SMARCA2: variants seen among roughly 807,000 people sequenced by gnomAD.
SMARCA2 encodes SWI/SNF-related matrix-associated actin-dependent regulator of chromatin subfamily A member 2.
A neutral mutation model predicts 199.8 loss-of-function variants in SMARCA2; 61 were observed. That is an observed-to-expected ratio of 0.31 (90% CI 0.25 to 0.38). SMARCA2 has a LOEUF of 0.38. Among genes scored for constraint, SMARCA2 ranks in the 10% least tolerant of loss-of-function variants. The pLI is 1.00. For missense variants in SMARCA2, 1,344 were observed against 2,012.2 expected (o/e 0.67, Z 6.35); for synonymous variants, 935 against 732.0 (o/e 1.28, Z -4.48).
intron 21 of SMARCA2, among the ~76,000 whole-genome samples, chr9:2,098,033 G>A (rs551452353): frequency 6.6e-6 from 1 of 152,180 alleles, no homozygotes; most frequent in East Asian, 1.9e-4. Flanking sequence ...ATTTTGCAGG[G>A]AGAGGACATT....
At chr9:2,191,513 C>G in intron 33 of SMARCA2, 105 bp downstream of exon 33, 2 of 1,226,022 alleles carry the variant, frequency 1.6e-6, no homozygotes, top group African/African-American at 1.5e-5. Flanking sequence ...TTACCCAGGA[C>G]TGGAAATGTC....
chr9:2,143,336 G>C (rs1002184102), intron 27 of SMARCA2, among the ~76,000 whole-genome samples: 1 of 152,222 alleles, frequency 6.6e-6, no homozygotes, highest in Non-Finnish European at 1.5e-5. Context: ...AGACCCTGGA[G>C]GCTATGCATG....
intron 27 of SMARCA2, among the ~76,000 whole-genome samples, chr9:2,152,435 C>G (rs1015619303): frequency 7.2e-5 from 11 of 152,146 alleles, no homozygotes; most frequent in Non-Finnish European, 5.9e-5. Flanking sequence ...TGGCTCATGC[C>G]TGTAATCCCA....
intron 27 of SMARCA2, among the ~76,000 whole-genome samples, chr9:2,139,178 A>T (rs1043310876): frequency 6.6e-6 from 1 of 152,214 alleles, no homozygotes; most frequent in African/African-American, 2.4e-5. Context: ...GGCTGCACAA[A>T]GCCAGGCCAC....
chr9:2,104,816 C>T lies in SMARCA2; in HGVS notation c.3292+647C>T, dbSNP rs1160452109. 2.0e-5 allele frequency among the ~76,000 whole-genome samples: 3 copies of T among 152,132 alleles called. No individual in the cohort carries two copies. The highest frequency in any genetic ancestry group is 6.6e-5 in the Admixed American group (1 of 15,266). ...TAGGGATAATCCCTAAATTATTTTACGATTTGGATATCAGCCATAATATAT... is the reference window on the plus strand; with the variant it reads ...TAGGGATAATCCCTAAATTATTTTATGATTTGGATATCAGCCATAATATAT... On this transcript the variant is annotated intron_variant, in intron 23 of 33. Transcript: ENST00000349721. This position sits in a 1 kb window ranked among gnomAD's most constrained non-coding sequence, Gnocchi z 4.0.
intron 9 of SMARCA2, among the ~76,000 whole-genome samples, chr9:2,061,190 G>C (rs994262003): frequency 1.5e-4 from 23 of 152,142 alleles, no homozygotes; most frequent in African/African-American, 5.1e-4. Context: ...ATAATAATGG[G>C]ATATACTAAA....
intron 29 of SMARCA2, among the ~76,000 whole-genome samples, chr9:2,178,629 T>TAA (rs34120561): frequency 1.1e-4 from 16 of 151,812 alleles, no homozygotes; most frequent in African/African-American, 3.9e-4. Context: ...AAAGGTGTAT[T>TAA]AAAAAAAAGC....
At chr9:2,076,081 T>C in intron 12 of SMARCA2, 148 bp from the exon 13 acceptor site, 1 of 618,152 alleles carries the variant, frequency 1.6e-6, no homozygotes, top group South Asian at 2.0e-5. Flanking sequence ...CTTACTTAAG[T>C]AGATGTTACA....
At chr9:2,124,040 G>A (rs1003098451) in intron 27 of SMARCA2, 103 bp downstream of exon 27, 5 of 848,218 alleles carry the variant, frequency 5.9e-6, no homozygotes, top group East Asian at 2.6e-5. Flanking sequence ...GGTTGAGTTC[G>A]CAATCAAAGG....
intron 25 of SMARCA2, among the ~76,000 whole-genome samples, chr9:2,116,610 T>G (rs554743400): frequency 6.6e-6 from 1 of 152,342 alleles, no homozygotes; most frequent in East Asian, 1.9e-4. Context: ...GGAAAAATTC[T>G]GGTTAAACAG....
intron 10 of SMARCA2, chr9:2,072,085 T>C (rs1821113381): frequency 6.6e-6 from 1 of 152,234 alleles, no homozygotes; most frequent in Non-Finnish European, 1.5e-5. Context: ...TTTTTCATTT[T>C]GTTTTGTTTT....
chr9:2,173,239 C>A (rs969953864), intron 29 of SMARCA2, among the ~76,000 whole-genome samples: 1 of 152,170 alleles, frequency 6.6e-6, no homozygotes, highest in African/African-American at 2.4e-5. Context: ...CCTGCATACA[C>A]CATCACAGGA....
intron 32 of SMARCA2, among the ~76,000 whole-genome samples, chr9:2,188,539 T>C (rs964552520): frequency 6.6e-6 from 1 of 152,216 alleles, no homozygotes; most frequent in Admixed American, 6.5e-5. Context: ...TTTAGCTATA[T>C]ATTTCATTAT....
chr9:2,114,624 G>T (rs922441095), intron 24 of SMARCA2, among the ~76,000 whole-genome samples: 4 of 152,144 alleles, frequency 2.6e-5, no homozygotes, highest in African/African-American at 9.7e-5. Context: ...ATGAATAAAA[G>T]CCACATGCCA....
intron 23 of SMARCA2, among the ~76,000 whole-genome samples, chr9:2,106,466 A>G (rs1219574224): frequency 1.3e-5 from 2 of 152,234 alleles, no homozygotes; most frequent in African/African-American, 2.4e-5. Flanking sequence ...AACATGTTAC[A>G]GATGGAATTG....
At chr9:2,064,412 G>C (rs1325080736) in intron 9 of SMARCA2, among the ~76,000 whole-genome samples, 1 of 152,166 alleles carries the variant, frequency 6.6e-6, no homozygotes, top group Non-Finnish European at 1.5e-5. Flanking sequence ...TTTATCTAAA[G>C]CATGTAGAAT....
At chr9:2,167,913 G>A (rs901268186) in intron 28 of SMARCA2, among the ~76,000 whole-genome samples, 9 of 152,128 alleles carry the variant, frequency 5.9e-5, no homozygotes, top group African/African-American at 2.2e-4. Context: ...GGGGAATTCA[G>A]GGAAGTAGGG....
intron 27 of SMARCA2, among the ~76,000 whole-genome samples, chr9:2,149,575 A>T (rs1197254326): frequency 1.3e-5 from 2 of 151,528 alleles, no homozygotes; most frequent in East Asian, 1.9e-4. Context: ...TGTAAGATTT[A>T]TTCACTACCA....
intron 3 of SMARCA2, among the ~76,000 whole-genome samples, chr9:2,036,826 G>A (rs1410007659): frequency 6.6e-6 from 1 of 152,046 alleles, no homozygotes; most frequent in Non-Finnish European, 1.5e-5. Flanking sequence ...TAATGTAACT[G>A]TCTCACCTTC....
Sources: gnomAD v4.1 joint callset for allele counts (sites outside exome capture counted in the v4.1 genomes callset) on GRCh38, gnomAD v4.1.1 for gene constraint, Gnocchi (gnomAD v3.1) non-coding constraint, MANE v1.5 for transcripts, NCBI Gene and HGNC (gene_info 2026-07-23, HGNC 2026-07-21) for gene names.